The following IGBP1 variants were observed in gnomAD, a reference collection of about 807,000 sequenced individuals.
IGBP1 encodes immunoglobulin binding protein 1, also known as immunoglobulin-binding protein 1.
Under a neutral mutation model 25.9 loss-of-function variants are expected in IGBP1, and 2 were observed. That is an observed-to-expected ratio of 0.08 (90% CI 0.03 to 0.24). The LOEUF (loss-of-function observed/expected upper bound fraction) is 0.24. IGBP1 is among the 10% of genes least tolerant of loss of function. The pLI is 1.00. For synonymous variants in IGBP1, 96 were observed against 93.4 expected, an observed-to-expected ratio of 1.03 and a Z score of -0.16; for missense variants, 187 against 260.4, an observed-to-expected ratio of 0.72 and a Z score of 1.94.
chrX:70,134,403 TC>T, intron 2 of IGBP1, 119 bp from the exon 3 acceptor site: 1 of 756,344 alleles, frequency 1.3e-6, no homozygotes, highest in Non-Finnish European at 2.0e-6. Flanking sequence ...TGGCCGCTGT[TC>T]CCCGTGCCTC....
intron 3 of IGBP1, among the ~76,000 whole-genome samples, chrX:70,145,649 A>G (rs1173159689): frequency 8.1e-5 from 9 of 110,658 alleles, no homozygotes; most frequent in African/African-American, 2.7e-4. Context: ...CTCATTTTCT[A>G]TCACTCTTTT....
At chrX:70,136,452 C>T (rs903114172) in intron 3 of IGBP1, among the ~76,000 whole-genome samples, 6 of 111,296 alleles carry the variant, frequency 5.4e-5, no homozygotes, top group African/African-American at 2.0e-4. Context: ...GTATTAAATG[C>T]GTTTTCAACT....
At chrX:70,165,639 G>A (rs139844019) in intron 6 of IGBP1, among the ~76,000 whole-genome samples, 194 bp from the exon 7 acceptor site, 224 of 110,355 alleles carry the variant, frequency 2.0e-3, no homozygotes, top group African/African-American at 7.1e-3. Flanking sequence ...GCATCCTTTC[G>A]TACTATTTTT....
At chrX:70,141,596 C>T (rs1472592935) in intron 3 of IGBP1, among the ~76,000 whole-genome samples, 1 of 111,497 alleles carries the variant, frequency 9.0e-6, no homozygotes, top group African/African-American at 3.3e-5. Context: ...ATTGCATCCC[C>T]TTGGTGCTTA....
At chrX:70,151,337 A>T (rs754501910) in intron 6 of IGBP1, among the ~76,000 whole-genome samples, 29 of 109,614 alleles carry the variant, frequency 2.6e-4, no homozygotes, top group Non-Finnish European at 4.9e-4. Context: ...ATCCCATTTG[A>T]TCCTTTTCAA....
chrX:70,161,556 T>C (rs1343042458), intron 6 of IGBP1, among the ~76,000 whole-genome samples: 1 of 111,696 alleles, frequency 9.0e-6, no homozygotes, highest in Non-Finnish European at 1.9e-5. Flanking sequence ...GTTGAAAATA[T>C]TGTTAAGTTG....
intron 2 of IGBP1, 56 bp from the exon 3 acceptor site, chrX:70,134,467 A>G (rs1019107698): frequency 2.4e-5 from 28 of 1,145,504 alleles, no homozygotes; most frequent in Non-Finnish European, 3.2e-5. Context: ...CCAGAAAGCA[A>G]GGGCCACAAT....
chrX:70,147,305 C>T lies in IGBP1; in HGVS notation c.678+477C>T, dbSNP rs1425144607. ...GGGTGTGGTGGTGCGCGTCTGTGAT[C>T]CCAGCTACTCGGGAGGCTGAGGCAG... On this transcript the variant is annotated intron_variant, in intron 4 of 6. Transcript: ENST00000356413. Among the ~76,000 whole-genome samples the T allele has an allele frequency of 2.7e-5, 3 of 110,614 alleles. No individual in the cohort carries two copies. The East Asian group carries it at 8.5e-4, about 31-fold the overall frequency.
intron 3 of IGBP1, among the ~76,000 whole-genome samples, chrX:70,146,228 G>A (rs1013431232): frequency 3.3e-5 from 3 of 91,513 alleles, no homozygotes; most frequent in African/African-American, 1.1e-4. Flanking sequence ...TCAGTGGCAG[G>A]TAAATGACCC....
chrX:70,155,077 C>T (rs1201250730), intron 6 of IGBP1, among the ~76,000 whole-genome samples: 2 of 112,119 alleles, frequency 1.8e-5, no homozygotes, highest in East Asian at 5.6e-4. Flanking sequence ...ATGGCCAAAT[C>T]CAGAGCACCT....
chrX:70,150,646 A>G (rs2085197147), intron 6 of IGBP1, among the ~76,000 whole-genome samples: 1 of 112,088 alleles, frequency 8.9e-6, no homozygotes, highest in South Asian at 3.7e-4. Context: ...CCCCTCATAC[A>G]GGATAACAAT....
rs756868457 is a variant in IGBP1, at chrX:70,134,753, A to G, written c.419A>G (p.Asn140Ser). The G allele has an allele frequency of 1.5e-5, 18 of 1,211,582 alleles. No homozygotes were observed. Among genetic ancestry groups the G allele is most frequent in the South Asian group, 1.1e-4 (6 of 57,012 alleles). ...AACTCTGCTGAAAATCACACTGCCA[A>G]TTCCTCCATGGCTTATCCTAGTCTC... The part of the protein sequence containing the change: ...MNNSAENHTA[N>S]SSMAYPSLVA... The change falls in exon 3 of 7, where the codon AAT (asparagine) becomes AGT (serine). Residue 140 changes from asparagine (N) to serine (S), a missense_variant. Transcript: ENST00000356413.
chrX:70,147,978 A>G (rs767679941), intron 4 of IGBP1, among the ~76,000 whole-genome samples: 2 of 112,340 alleles, frequency 1.8e-5, no homozygotes, highest in Non-Finnish European at 3.8e-5. Flanking sequence ...CCCCTTGAGC[A>G]TGTCTAGATG....
intron 6 of IGBP1, chrX:70,165,301 G>A (rs1191505564): frequency 8.1e-6 from 1 of 124,165 alleles, no homozygotes; most frequent in African/African-American, 3.3e-5. Context: ...TAATACGTAG[G>A]CATTCTTTTC....
intron 3 of IGBP1, among the ~76,000 whole-genome samples, chrX:70,142,980 G>A (rs1039784811): frequency 3.3e-5 from 3 of 92,052 alleles, no homozygotes; most frequent in African/African-American, 1.2e-4. Flanking sequence ...CTGGAGTGCC[G>A]TGGCGCGACC....
At chrX:70,147,901 A>G (rs2085176939) in intron 4 of IGBP1, among the ~76,000 whole-genome samples, 1 of 112,192 alleles carries the variant, frequency 8.9e-6, no homozygotes, top group Non-Finnish European at 1.9e-5. Flanking sequence ...GCCTCAGGAT[A>G]ACATCAACCT....
Position 70,134,544 on chromosome X carries a change from G to A in IGBP1, c.210G>A (p.Glu70=), listed in dbSNP as rs777620757. 1.7e-6 allele frequency: 2 copies of A among 1,209,647 alleles called. No individual in the cohort carries two copies. The highest frequency in any genetic ancestry group is 3.5e-5 in the African/African-American group (2 of 57,219). The part of the protein sequence containing the change: ...DLFSRNEDLE[E]IASTDLKYLL... ...CCAGCCGAAATGAAGATTTGGAAGA[G>A]ATTGCTTCCACCGACCTGAAGTACC... The change falls in exon 3 of 7, where the codon GAG becomes GAA. Residue 70 remains glutamate, a synonymous_variant. Transcript: ENST00000356413.
rs753655302 is a variant in IGBP1 at position 70,133,758 on chromosome X, G to A, written c.-190G>A. On this transcript the variant is annotated 5_prime_UTR_variant, in exon 2 of 7. It removes an upstream start codon present in the reference 5' UTR. Coordinates refer to ENST00000356413, the MANE Select transcript of IGBP1 (RefSeq NM_001551.3). ...CTTGTAACGGGCTGCCTGGTAAAAT[G>A]AGTCTATGGAAACGGTTGCCAGGGC... The A allele has an allele frequency of 8.9e-6, 4 of 449,538 alleles. No individual in the cohort carries two copies. The highest frequency in any genetic ancestry group is 3.9e-6 in the Non-Finnish European group (1 of 258,898). 37.0% of individuals were successfully genotyped at this position (449,538 alleles called of 1,213,427 possible).
At chrX:70,141,563 T>C (rs1006801402) in intron 3 of IGBP1, among the ~76,000 whole-genome samples, 1 of 111,716 alleles carries the variant, frequency 9.0e-6, no homozygotes, top group Non-Finnish European at 1.9e-5. Context: ...TATCTCAGTA[T>C]ACTAATTATG....
Sources: gnomAD v4.1 joint callset for allele counts (sites outside exome capture counted in the v4.1 genomes callset) on GRCh38, gnomAD v4.1.1 for gene constraint, MANE v1.5 for transcripts, NCBI Gene and HGNC (gene_info 2026-07-23, HGNC 2026-07-21) for gene names.